Variants in HEATR9 observed in about 807,000 individuals in gnomAD.
HEATR9 encodes the protein HEAT repeat containing 9, also known as protein HEATR9.
Under a neutral mutation model 68.2 loss-of-function variants are expected in HEATR9, and 54 were observed. The ratio of observed to expected loss-of-function variants is 0.79; its 90% CI spans 0.64 to 0.99. HEATR9 has a LOEUF of 0.99. HEATR9 is among the 50% of genes least tolerant of loss of function. HEATR9 has a pLI of 0.00. For synonymous variants in HEATR9, 241 were observed against 253.5 expected (o/e 0.95, Z 0.47); for missense variants, 662 against 679.7 (o/e 0.97, Z 0.29).
chr17:35,864,394 G>A lies in HEATR9; in HGVS notation c.511-92C>T. 3.3e-6 allele frequency: 5 copies of A among 1,534,156 alleles called. 1 individual carries two copies. The South Asian group carries it at 3.4e-5, about 10-fold the overall frequency. On this transcript the variant is annotated intron_variant, in intron 5 of 14. Coordinates refer to ENST00000604834, the MANE Select transcript of HEATR9 (RefSeq NM_152781.4). The stretch of plus-strand genomic sequence containing the variant: ...TGGATACAGCTGGAGTTTGTGCTTG[G>A]AATACCATCCCCACAACCACCATCA...
chr17:35,856,742 A>G lies in HEATR9; in HGVS notation c.1216T>C (p.Leu406=). 4.4e-6 allele frequency: 7 copies of G among 1,604,500 alleles called. No individual in the cohort carries two copies. The highest frequency in any genetic ancestry group is 6.0e-6 in the Non-Finnish European group (7 of 1,175,414). ...ELKLKPTMMN[L]VEAQLMNPDA... ...TCCCAGGCCACTCACGCCTCCACCAAGTTCATCATCGTAGGCTTCAACTTG... is the reference window on the plus strand; with the variant it reads ...TCCCAGGCCACTCACGCCTCCACCAGGTTCATCATCGTAGGCTTCAACTTG... The change falls in exon 12 of 15, where the codon TTG becomes CTG. Residue 406 remains leucine (L), a synonymous_variant. Transcript: ENST00000604834.
Position 35,856,729 on chromosome 17 carries a change from C to CA in HEATR9, c.1226+2dup, listed in dbSNP as rs2087787506. 1.3e-6 allele frequency: 2 copies of CA among 1,599,974 alleles called. No individual in the cohort carries two copies. Among genetic ancestry groups the CA allele is most frequent in the Non-Finnish European group, 1.7e-6 (2 of 1,172,872 alleles). On this transcript the variant is annotated splice_region_variant and intron_variant, in intron 12 of 14. Transcript: ENST00000604834. ...TGGCCCTGGCAGCTCCCAGGCCACT[C>CA]ACGCCTCCACCAAGTTCATCATCGT...
chr17:35,855,491 G>A, intron 14 of HEATR9, 81 bp from the exon 15 acceptor site: 1 of 1,401,594 alleles, frequency 7.1e-7, no homozygotes, highest in Non-Finnish European at 1.0e-6. Context: ...CCCAAAGTAG[G>A]GGGGAATTCT....
At position 35,855,739 on chromosome 17, in the gene HEATR9, C is replaced by G; in HGVS notation, c.1290G>C (p.Gly430=). The G allele has an allele frequency of 6.2e-7, 1 of 1,613,852 alleles. No individual in the cohort carries two copies. Among genetic ancestry groups the G allele is most frequent in the Non-Finnish European group, 8.5e-7 (1 of 1,179,950 alleles). Residue 430 remains glycine, a synonymous_variant, in exon 14 of 15, where the codon GGG becomes GGC. Transcript: ENST00000604834. ...AGTGGAACACTTGTGGACTGCGGAT[C>G]CCCAGGACACCCTGGCAGAGGCAGA... is the stretch of plus-strand genomic sequence containing the variant. ...QEAVISLGVL[G]IRSPQVFHLL...
In HEATR9 at chr17:35,858,230, G is replaced by A; in HGVS notation, c.1122C>T (p.Leu374=). ...QGLEELTFNL[L]RRKTHNEPFL... is the part of the protein sequence containing the mutation. ...AGGGTTCATTATGCGTCTTCCTCCT[G>A]AGCAGGTTAAATGTGAGTTCCTCTA... Residue 374 remains leucine (L), a synonymous_variant, in exon 11 of 15, where the codon CTC becomes CTT. Transcript: ENST00000604834. 2 of 1,614,164 alleles carry A rather than the reference G, an allele frequency of 1.2e-6. No homozygotes were observed. Among genetic ancestry groups the A allele is most frequent in the Non-Finnish European group, 1.7e-6 (2 of 1,180,020 alleles).
Position 35,858,205 on chromosome 17 carries a change from A to C in HEATR9, c.1147T>G (p.Phe383Val). 6.2e-7 allele frequency: 1 copy of C among 1,614,120 alleles called. No homozygotes were observed. Among genetic ancestry groups the C allele is most frequent in the Non-Finnish European group, 8.5e-7 (1 of 1,180,022 alleles). ...GGAGCTTTGGTCTCACTTACAAGGA[A>C]GGGTTCATTATGCGTCTTCCTCCTG... ...LLRRKTHNEPFLAVRQAVAQT... is the reference protein window; with the variant it reads ...LLRRKTHNEPVLAVRQAVAQT... Residue 383 changes from phenylalanine (F) to valine (V), a missense_variant, in exon 11 of 15, where the codon TTC becomes GTC. Physicochemically the swap from Phe to Val is conservative, Grantham distance 50 (BLOSUM62 -1). Coordinates refer to ENST00000604834, the MANE Select transcript of HEATR9 (RefSeq NM_152781.4).
intron 5 of HEATR9, 76 bp downstream of exon 5, chr17:35,864,421 G>A (rs372258896): frequency 1.2e-5 from 18 of 1,558,972 alleles, no homozygotes; most frequent in African/African-American, 8.1e-5. Context: ...CCACCATCAC[G>A]TCAAGCAGCT....
intron 8 of HEATR9, chr17:35,861,620 C>T: frequency 1.6e-6 from 1 of 621,452 alleles, no homozygotes; most frequent in Non-Finnish European, 2.9e-6. Context: ...ACATACTCCT[C>T]CCTTTGCATT....
rs548112802 is a variant in HEATR9 at position 35,864,276 on chromosome 17, G to T, written c.537C>A (p.Asp179Glu). 3 of 1,613,184 alleles carry T rather than the reference G, an allele frequency of 1.9e-6. No homozygotes were observed. The highest frequency in any genetic ancestry group is 2.5e-6 in the Non-Finnish European group (3 of 1,179,122). The change falls in exon 6 of 15, where the codon GAC becomes GAA. Residue 179 changes from aspartate (D) to glutamate (E), a missense_variant. Asp to Glu is a conservative substitution (Grantham distance 45). Transcript: ENST00000604834. The part of the protein sequence containing the change: ...AQALGCLRIS[D>E]KFVMEALQQV... ...GCTGTAGTGCCTCCATGACAAACTT[G>T]TCACTGATGCGTAAGCATCCCAGAG...
intron 9 of HEATR9, 147 bp from the exon 10 acceptor site, chr17:35,858,672 T>C: frequency 1.2e-6 from 1 of 839,176 alleles, no homozygotes; most frequent in Non-Finnish European, 1.9e-6. Flanking sequence ...GAAGTTCATG[T>C]GTGCATATAC....
chr17:35,865,214 C>G lies in HEATR9; in HGVS notation c.320+1G>C. ...AGAATATGGAGGCCAGCAAAACACA[C>G]CTACAGTCATCTCTCATTTTCCTCA... On this transcript the variant is annotated splice_donor_variant, in intron 3 of 14. Transcript: ENST00000604834. LOFTEE classifies it high-confidence loss of function. 2.5e-6 allele frequency: 4 copies of G among 1,612,772 alleles called. No individual in the cohort carries two copies. Among genetic ancestry groups the G allele is most frequent in the Non-Finnish European group, 3.4e-6 (4 of 1,179,248 alleles).
At chr17:35,860,767 G>A (rs1286921610) in intron 8 of HEATR9, among the ~76,000 whole-genome samples, 2 of 151,964 alleles carry the variant, frequency 1.3e-5, no homozygotes, top group East Asian at 2.0e-4. Context: ...GGGATTACAG[G>A]TGTGAACCAC....
intron 11 of HEATR9, among the ~76,000 whole-genome samples, chr17:35,857,041 G>A (rs1161581663): frequency 6.6e-6 from 1 of 152,092 alleles, no homozygotes; most frequent in Non-Finnish European, 1.5e-5. Flanking sequence ...TCCTGGAAGA[G>A]GTGATGCCCG....
chr17:35,862,888 C>A, intron 8 of HEATR9, 107 bp downstream of exon 8: 1 of 1,486,100 alleles, frequency 6.7e-7, no homozygotes, highest in East Asian at 2.3e-5. Flanking sequence ...GTGTCTTCCT[C>A]TATCAAAGCT....
intron 1 of HEATR9, among the ~76,000 whole-genome samples, chr17:35,867,619 G>A (rs1394091371): frequency 2.0e-5 from 3 of 151,822 alleles, no homozygotes; most frequent in Admixed American, 6.6e-5. Context: ...GACCAATCTG[G>A]GCAACAAAGT....
intron 11 of HEATR9, among the ~76,000 whole-genome samples, chr17:35,857,195 C>A (rs2087803553): frequency 6.6e-6 from 1 of 152,122 alleles, no homozygotes; most frequent in African/African-American, 2.4e-5. Flanking sequence ...GAAAATAGTT[C>A]AACTCAGAGA....
chr17:35,860,479 T>TTATA (rs2087945533), intron 8 of HEATR9, among the ~76,000 whole-genome samples: 1 of 94,150 alleles, frequency 1.1e-5, no homozygotes, highest in East Asian at 4.1e-4. Flanking sequence ...TATTTATTTA[T>TTATA]TTTATTTATT....
chr17:35,861,172 T>C, intron 8 of HEATR9: 4 of 1,595,570 alleles, frequency 2.5e-6, no homozygotes, highest in East Asian at 4.5e-5. Flanking sequence ...TCGGATAAGA[T>C]GGATGTTTTG....
Position 35,863,597 on chromosome 17 carries a change from G to T in HEATR9, c.568-38C>A, listed in dbSNP as rs748594531. On this transcript the variant is annotated intron_variant, in intron 6 of 14. Coordinates refer to ENST00000604834, the MANE Select transcript of HEATR9 (RefSeq NM_152781.4). ...GCGGGTGGTAGGAACATATAATAAG[G>T]TGATGGAATGTCAGAGCTTTAGGGA... 5.0e-6 allele frequency: 8 copies of T among 1,591,358 alleles called. No individual in the cohort carries two copies. In the South Asian group the frequency reaches 8.8e-5, roughly 18 times the overall value.
Sources: allele counts gnomAD v4.1 joint callset (sites outside exome capture counted in the v4.1 genomes callset), GRCh38; gene constraint gnomAD v4.1.1; transcripts MANE v1.5; gene names NCBI Gene and HGNC (gene_info 2026-07-23, HGNC 2026-07-21).